The following STAG3 variants were observed in gnomAD, a reference collection of about 807,000 sequenced individuals.
STAG3 encodes the protein STAG3 cohesin complex component.
STAG3 carries 101 observed loss-of-function variants against 160.7 expected under a neutral mutation model. The observed-to-expected ratio is 0.63, with a 90% CI of 0.54 to 0.74. The LOEUF (loss-of-function observed/expected upper bound fraction) is 0.74. STAG3 is among the 30% of genes least tolerant of loss of function. The pLI is 0.00. For missense variants in STAG3, 1,188 were observed against 1,517.4 expected (o/e 0.78, Z 3.61); for synonymous variants, 519 against 585.0 (o/e 0.89, Z 1.63).
intron 10 of STAG3, 164 bp from the exon 11 acceptor site, chr7:100,197,614 G>A (rs916682810): frequency 1.3e-5 from 9 of 697,592 alleles, no homozygotes; most frequent in Admixed American, 7.5e-5. Context: ...TGTTTTTTAA[G>A]TAAGAAGACA....
intron 14 of STAG3, 32 bp from the exon 15 acceptor site, chr7:100,199,230 A>G (rs750843750): frequency 4.2e-6 from 6 of 1,433,740 alleles, no homozygotes; most frequent in East Asian, 2.3e-5. Context: ...TTAACATGCT[A>G]TCATTAACTC....
downstream of STAG3, chr7:100,219,160 CCT>C (rs1423552733): frequency 2.0e-5 from 3 of 152,620 alleles, no homozygotes; most frequent in African/African-American, 4.8e-5. Flanking sequence ...GCTGGAGTAG[CCT>C]CTGTTTCTGA....
At chr7:100,180,715 G>T (rs1250080350) in intron 2 of STAG3, 43 bp downstream of exon 2, 2 of 1,228,148 alleles carry the variant, frequency 1.6e-6, no homozygotes, top group African/African-American at 2.9e-5. Context: ...TGTGTCCCTG[G>T]CAGCCTTCCC....
intron 8 of STAG3, 54 bp from the exon 9 acceptor site, chr7:100,195,255 C>T: frequency 6.6e-7 from 1 of 1,503,866 alleles, no homozygotes; most frequent in Non-Finnish European, 9.3e-7. Flanking sequence ...ATCTTCAGGG[C>T]CTTATGCTTG....
intron 4 of STAG3, among the ~76,000 whole-genome samples, chr7:100,183,859 A>C (rs1335146032): frequency 6.6e-6 from 1 of 152,240 alleles, no homozygotes; most frequent in Non-Finnish European, 1.5e-5. Context: ...GTGTAATTTT[A>C]TAGTTTCTGG....
downstream of STAG3, among the ~76,000 whole-genome samples, chr7:100,217,520 G>A (rs1181519990): frequency 5.1e-4 from 40 of 77,958 alleles, no homozygotes; most frequent in Non-Finnish European, 2.2e-4. Context: ...TAGAAATGAA[G>A]ACACAAGACA....
chr7:100,215,418 G>T (rs888252229), downstream of STAG3, among the ~76,000 whole-genome samples: 8 of 151,988 alleles, frequency 5.3e-5, no homozygotes, highest in African/African-American at 1.9e-4. Flanking sequence ...GGTAGCCCTC[G>T]GGGAGTCAGA....
rs1034455631 is a variant in STAG3 at position 100,201,583 on chromosome 7, CGTAGA to C, written c.2221-199_2221-195del. 6 of 634,850 alleles carry C rather than the reference CGTAGA, an allele frequency of 9.5e-6. No homozygotes were observed. In the Admixed American group the frequency reaches 1.2e-4, roughly 12 times the overall value. The allele number at this position is 634,850 out of a possible 1,614,324, so 39.3% of individuals were successfully genotyped here. On this transcript the variant is annotated intron_variant, in intron 21 of 33. Coordinates refer to ENST00000615138, the MANE Select transcript of STAG3 (RefSeq NM_001282717.2). ...GATAATATTGAGGGATTCTAGAAGA[CGTAGA>C]GTAAATTAGGGAGCGGTGACATTTC... is the stretch of plus-strand genomic sequence containing the variant.
chr7:100,205,570 G>A (rs562713802), intron 29 of STAG3, among the ~76,000 whole-genome samples, 186 bp downstream of exon 29: 10 of 152,296 alleles, frequency 6.6e-5, no homozygotes, highest in East Asian at 5.8e-4. Flanking sequence ...GGTGGCTCAT[G>A]CCTGCAATCC....
Position 100,202,637 on chromosome 7 carries a change from C to T in STAG3, c.2700+47C>T, listed in dbSNP as rs775717741. The T allele has an allele frequency of 2.5e-5, 40 of 1,590,608 alleles. 1 individual carries two copies. The South Asian group carries it at 3.0e-4, about 12-fold the overall frequency. On this transcript the variant is annotated intron_variant, in intron 25 of 33. Transcript: ENST00000615138. ...ATAAAAGAGAAGGGAGCAAGTTGAG[C>T]ACAGCCATGACTTGGAAACATAATA...
chr7:100,202,172 G>C lies in STAG3; in HGVS notation c.2395G>C (p.Ala799Pro), dbSNP rs1366241761. 6.2e-7 allele frequency: 1 copy of C among 1,612,272 alleles called. No homozygotes were observed. The highest frequency in any genetic ancestry group is 8.5e-7 in the Non-Finnish European group (1 of 1,179,424). The change falls in exon 24 of 34, where the codon GCT (alanine) becomes CCT (proline). Residue 799 changes from alanine to proline, a missense_variant and splice_region_variant. By Grantham distance (27) the Ala-to-Pro change is conservative (BLOSUM62 -1). This residue lies in a region of STAG3 where 647 missense variants were observed against 717.2 expected (regional missense o/e 0.90). Transcript: ENST00000615138. The part of the protein sequence containing the change: ...SDVDTEIQEQ[A>P]FVLLSDLLLI... ...AACATCCTTTCTTTTCCCCCTACAG[G>C]CTTTTGTCTTATTAAGTGATCTACT...
intron 8 of STAG3, 88 bp from the exon 9 acceptor site, chr7:100,195,221 A>G: frequency 9.2e-7 from 1 of 1,092,498 alleles, no homozygotes; most frequent in East Asian, 2.4e-5. Flanking sequence ...AACAGGAAGT[A>G]GGTGGAAGTT....
chr7:100,189,105 C>T, intron 7 of STAG3, 89 bp downstream of exon 7: 1 of 1,416,722 alleles, frequency 7.1e-7, no homozygotes, highest in East Asian at 2.3e-5. Flanking sequence ...TTCCTACCTG[C>T]ATCTTGGCTC....
intron 32 of STAG3, 160 bp downstream of exon 32, chr7:100,212,036 G>C (rs902640286): frequency 1.7e-6 from 1 of 591,378 alleles, no homozygotes; most frequent in African/African-American, 1.9e-5. Flanking sequence ...TTTGGACTTT[G>C]CTTGGACTCT....
chr7:100,217,231 C>T (rs1317537197), downstream of STAG3, among the ~76,000 whole-genome samples: 3 of 152,164 alleles, frequency 2.0e-5, no homozygotes, highest in African/African-American at 4.8e-5. Flanking sequence ...TTTTTGTGCA[C>T]GCCCTCACCC....
Position 100,186,200 on chromosome 7 carries a change from T to C in STAG3, c.337T>C (p.Ser113Pro). Residue 113 changes from serine to proline, a missense_variant and splice_region_variant, in exon 5 of 34, where the codon TCT (serine) becomes CCT (proline). Ser to Pro is a moderately conservative substitution (Grantham distance 74). Around this residue, in one of 4 missense-constraint regions of STAG3, gnomAD observed 296 missense variants for 404.0 expected, o/e 0.73. Coordinates refer to ENST00000615138, the MANE Select transcript of STAG3 (RefSeq NM_001282717.2). ...AGTCATCTACATTTTTTTTCCCTAG[T>C]CTTTGGTAGATGAGTGGCTGGATAG... Reference protein sequence around the residue: ...AVKAAKSDMQSLVDEWLDSYK... With the variant: ...AVKAAKSDMQPLVDEWLDSYK... 6.2e-7 allele frequency: 1 copy of C among 1,613,634 alleles called. No individual in the cohort carries two copies. Among genetic ancestry groups the C allele is most frequent in the Non-Finnish European group, 8.5e-7 (1 of 1,179,656 alleles).
chr7:100,183,463 C>T (rs1799781761), intron 4 of STAG3, among the ~76,000 whole-genome samples: 1 of 152,166 alleles, frequency 6.6e-6, no homozygotes, highest in South Asian at 2.1e-4. Flanking sequence ...TTTTTAGCTC[C>T]ATCTTGACAA....
intron 2 of STAG3, 28 bp from the exon 3 acceptor site, chr7:100,182,062 A>G (rs752704145): frequency 2.5e-6 from 4 of 1,576,888 alleles, no homozygotes; most frequent in Admixed American, 3.3e-5. Context: ...GGGTGGTTAT[A>G]TTTAAAGAGA....
In STAG3 at chr7:100,180,565, C is replaced by T. The variant is rs1799579195; in HGVS notation, c.9C>T (p.Ser3=). ...GCTCCTCCTCTCCAAGCATGTCTTC[C>T]CCGTTGCAAAGAGCTGTGGGAGATA... MS[S]PLQRAVGDTK... Residue 3 remains serine, a synonymous_variant, in exon 2 of 34, where the codon TCC becomes TCT. Transcript: ENST00000615138. The T allele has an allele frequency of 1.2e-6, 2 of 1,605,880 alleles. No individual in the cohort carries two copies. Among genetic ancestry groups the T allele is most frequent in the Non-Finnish European group, 1.7e-6 (2 of 1,172,508 alleles).
Sources: allele counts gnomAD v4.1 joint callset (sites outside exome capture counted in the v4.1 genomes callset), GRCh38; gene constraint gnomAD v4.1.1; regional missense constraint gnomAD v4.1.1; transcripts MANE v1.5; gene names NCBI Gene and HGNC (gene_info 2026-07-23, HGNC 2026-07-21).